The following MAP2K4 variants were observed in gnomAD, a reference collection of about 807,000 sequenced individuals.
The protein encoded by MAP2K4 is dual specificity mitogen-activated protein kinase kinase 4.
Under a neutral mutation model 48.5 loss-of-function variants are expected in MAP2K4, and 4 were observed. The observed-to-expected ratio is 0.08, with a 90% CI of 0.04 to 0.19. The LOEUF is 0.19. MAP2K4 is among the 10% of genes least tolerant of loss of function. The pLI is 1.00. For synonymous variants in MAP2K4, 166 were observed against 173.1 expected (o/e 0.96, Z 0.32); for missense variants, 258 against 493.3 (o/e 0.52, Z 4.52).
chr17:12,125,472 A>G, intron 8 of MAP2K4, 101 bp downstream of exon 8: 4 of 887,942 alleles, frequency 4.5e-6, no homozygotes, highest in Non-Finnish European at 7.6e-6. Context: ...TAAGAACTAT[A>G]ATCACAGACA....
chr17:12,039,794 G>C (rs1370433814), intron 1 of MAP2K4, among the ~76,000 whole-genome samples: 5 of 152,170 alleles, frequency 3.3e-5, no homozygotes, highest in Admixed American at 2.0e-4. Context: ...GTTTCTTTAA[G>C]TCTGTGGTAA....
chr17:12,107,939 G>T, intron 5 of MAP2K4, 30 bp downstream of exon 5: 1 of 1,560,172 alleles, frequency 6.4e-7, no homozygotes, highest in Non-Finnish European at 8.7e-7. Context: ...ATTATTCATT[G>T]TGTATATAGT....
intron 7 of MAP2K4, among the ~76,000 whole-genome samples, chr17:12,114,508 T>C (rs889820466): frequency 2.0e-5 from 3 of 152,052 alleles, no homozygotes; most frequent in Admixed American, 6.6e-5. Flanking sequence ...GTTTGGAAGA[T>C]CATTTGTTTA....
chr17:12,028,787 A>G (rs1969339564), intron 1 of MAP2K4, among the ~76,000 whole-genome samples: 1 of 152,186 alleles, frequency 6.6e-6, no homozygotes, highest in South Asian at 2.1e-4. Flanking sequence ...GAAACCACTT[A>G]TGTCCGGCCC....
chr17:12,044,640 A>C (rs1431584781), intron 1 of MAP2K4, among the ~76,000 whole-genome samples: 1 of 152,202 alleles, frequency 6.6e-6, no homozygotes, highest in East Asian at 1.9e-4. Flanking sequence ...CCACTAGCAA[A>C]CAAATAATCA....
intron 4 of MAP2K4, among the ~76,000 whole-genome samples, chr17:12,101,066 GAT>G (rs1264900117): frequency 6.6e-6 from 1 of 151,958 alleles, no homozygotes; most frequent in Non-Finnish European, 1.5e-5. Context: ...TTTTAATGTT[GAT>G]ATAGGCCAAT....
At chr17:12,041,239 A>G (rs1047368388) in intron 1 of MAP2K4, among the ~76,000 whole-genome samples, 1 of 152,244 alleles carries the variant, frequency 6.6e-6, no homozygotes, top group African/African-American at 2.4e-5. Context: ...GAGTTATTTA[A>G]TGAGGGTCAA....
chr17:12,078,874 C>T (rs1971096625), intron 2 of MAP2K4, among the ~76,000 whole-genome samples: 1 of 152,130 alleles, frequency 6.6e-6, no homozygotes. Context: ...GTGGTTGTAC[C>T]TACTGTTAAA....
intron 3 of MAP2K4, among the ~76,000 whole-genome samples, chr17:12,094,615 A>G (rs1971670019): frequency 6.6e-6 from 1 of 152,156 alleles, no homozygotes; most frequent in African/African-American, 2.4e-5. Flanking sequence ...GCATGCTTTG[A>G]TGTTAAACTA....
intron 2 of MAP2K4, among the ~76,000 whole-genome samples, chr17:12,064,063 T>G (rs1233112624): frequency 1.3e-5 from 2 of 148,744 alleles, no homozygotes; most frequent in Non-Finnish European, 3.0e-5. Context: ...GAAGAAAACA[T>G]TCACAATGTA....
At chr17:12,080,894 G>A (rs557958310) in intron 2 of MAP2K4, among the ~76,000 whole-genome samples, 2 of 152,230 alleles carry the variant, frequency 1.3e-5, no homozygotes, top group East Asian at 3.9e-4. Flanking sequence ...GCAAACCTTG[G>A]GAATAGTTGT....
rs1215710668 is a variant in MAP2K4, at chr17:12,142,141, G to C, written c.*881G>C. ...AGTACAGAAGGCAAAGTTTACAGAT[G>C]TTTTTAATTCTAGTATTTTATCTGG... On this transcript the variant is annotated 3_prime_UTR_variant, in exon 11 of 11. Coordinates refer to ENST00000353533, the MANE Select transcript of MAP2K4 (RefSeq NM_003010.4). The C allele has an allele frequency of 4.3e-6, 1 of 233,410 alleles. No individual in the cohort carries two copies. Among genetic ancestry groups the C allele is most frequent in the Non-Finnish European group, 8.5e-6 (1 of 117,934 alleles). The allele number at this position is 233,410 out of a possible 1,614,324, so 14.5% of individuals were successfully genotyped here. A position where few individuals can be genotyped will look rare whatever the true frequency, so the allele number is the denominator to read the frequency against.
chr17:12,067,092 G>T (rs1299283580), intron 2 of MAP2K4, among the ~76,000 whole-genome samples: 1 of 152,160 alleles, frequency 6.6e-6, no homozygotes, highest in African/African-American at 2.4e-5. Context: ...AAAGTGCTGG[G>T]ATTACAGGGG....
intron 2 of MAP2K4, among the ~76,000 whole-genome samples, chr17:12,079,455 A>G (rs1330766845): frequency 3.3e-5 from 5 of 152,140 alleles, no homozygotes; most frequent in African/African-American, 9.7e-5. Context: ...CATCTTTACC[A>G]TATTCTCTTG....
At chr17:12,083,517 G>C (rs188664576) in intron 3 of MAP2K4, among the ~76,000 whole-genome samples, 1 of 152,190 alleles carries the variant, frequency 6.6e-6, no homozygotes, top group Non-Finnish European at 1.5e-5. Context: ...TTACCATCTC[G>C]AATTCTTGAA....
chr17:12,106,359 AAAT>A (rs1972111490), intron 4 of MAP2K4, among the ~76,000 whole-genome samples: 1 of 152,186 alleles, frequency 6.6e-6, no homozygotes, highest in Admixed American at 6.6e-5. Context: ...TTAAATGCAG[AAAT>A]AATAAGTAAA....
At chr17:12,056,883 AATAAG>A (rs1970296873) in intron 2 of MAP2K4, among the ~76,000 whole-genome samples, 1 of 152,132 alleles carries the variant, frequency 6.6e-6, no homozygotes, top group Non-Finnish European at 1.5e-5. Context: ...GGAGTTTTGA[AATAAG>A]ATATCTCTTA....
chr17:12,141,005 C>T (rs1973361473), intron 10 of MAP2K4, 142 bp from the exon 11 acceptor site: 3 of 632,458 alleles, frequency 4.7e-6, no homozygotes, highest in Non-Finnish European at 8.5e-6. Context: ...CTGTACTCGC[C>T]TCTCTGAACT....
At chr17:12,112,708 G>A (rs2151577210) in intron 6 of MAP2K4, among the ~76,000 whole-genome samples, 1 of 152,146 alleles carries the variant, frequency 6.6e-6, no homozygotes, top group East Asian at 1.9e-4. Flanking sequence ...GCACATACTG[G>A]TAGTGACTTG....
Sources: allele counts gnomAD v4.1 joint callset (sites outside exome capture counted in the v4.1 genomes callset), GRCh38; gene constraint gnomAD v4.1.1; transcripts MANE v1.5; gene names NCBI Gene and HGNC (gene_info 2026-07-23, HGNC 2026-07-21).